Variants in RAB38 observed in about 807,000 individuals in gnomAD.
RAB38 encodes ras-related protein Rab-38.
RAB38 carries 15 observed loss-of-function variants against 18.4 expected under a neutral mutation model. The ratio of observed to expected loss-of-function variants is 0.82; its 90% CI spans 0.55 to 1.26. RAB38 has a LOEUF of 1.26. RAB38 is among the 50% of genes most tolerant of loss of function. The probability of loss-of-function intolerance (pLI) is 0.00; values close to 1 mark genes in which losing one functional copy is unlikely to be tolerated. For missense variants in RAB38, 294 were observed against 267.4 expected (o/e 1.10, Z -0.69); for synonymous variants, 101 against 104.4 (o/e 0.97, Z 0.20).
chr11:87,847,397 A>G, the RAB38 span, among the ~76,000 whole-genome samples: 1 of 152,158 alleles, frequency 6.6e-6, no homozygotes, highest in South Asian at 2.1e-4. Context: ...GATCCTTTAC[A>G]TGAAACAGAT....
At chr11:88,093,165 G>C in the RAB38 span, among the ~76,000 whole-genome samples, 1 of 151,884 alleles carries the variant, frequency 6.6e-6, no homozygotes, top group Non-Finnish European at 1.5e-5. Context: ...GTGAGTCCCC[G>C]TGTGTCCATA....
chr11:87,893,336 T>TTAC, the RAB38 span, among the ~76,000 whole-genome samples: 1 of 141,802 alleles, frequency 7.1e-6, no homozygotes, highest in Non-Finnish European at 1.5e-5. Context: ...ATATATATTT[T>TTAC]ACACACACAC....
the RAB38 span, among the ~76,000 whole-genome samples, chr11:87,898,108 C>A: frequency 6.6e-6 from 1 of 151,482 alleles, no homozygotes; most frequent in Admixed American, 6.6e-5. Flanking sequence ...AAACTAATAA[C>A]CTCCAAAAGT....
At chr11:87,849,911 A>C in the RAB38 span, among the ~76,000 whole-genome samples, 1 of 152,134 alleles carries the variant, frequency 6.6e-6, no homozygotes, top group African/African-American at 2.4e-5. Context: ...TGATGAGCTC[A>C]AACTAGTTGT....
the RAB38 span, among the ~76,000 whole-genome samples, chr11:87,956,096 AAAAC>A: frequency 0.37 from 56,549 of 151,732 alleles, 11,232 homozygotes; most frequent in South Asian, 0.52. Flanking sequence ...ATAATTTTTA[AAAAC>A]AAACATACAT....
chr11:88,005,515 T>G, the RAB38 span, among the ~76,000 whole-genome samples: 1 of 151,498 alleles, frequency 6.6e-6, no homozygotes, highest in Non-Finnish European at 1.5e-5. Flanking sequence ...ACATCATAAT[T>G]TGTGAATATA....
intron 1 of RAB38, among the ~76,000 whole-genome samples, chr11:88,174,825 G>A (rs1047390084): frequency 6.6e-6 from 1 of 152,200 alleles, no homozygotes; most frequent in African/African-American, 2.4e-5. Flanking sequence ...AAGGACGTGC[G>A]TGACACTGGG....
intron 1 of RAB38, chr11:88,165,596 T>C (rs1221387222): frequency 6.6e-6 from 1 of 152,210 alleles, no homozygotes; most frequent in Non-Finnish European, 1.5e-5. Context: ...TTGAAAGTTA[T>C]ATTTAAATAA....
chr11:87,866,786 C>A, the RAB38 span, among the ~76,000 whole-genome samples: 1 of 151,678 alleles, frequency 6.6e-6, no homozygotes, highest in Non-Finnish European at 1.5e-5. Context: ...AGAATGACTT[C>A]GACATGCCCA....
chr11:87,849,662 G>C, the RAB38 span, among the ~76,000 whole-genome samples: 1 of 152,048 alleles, frequency 6.6e-6, no homozygotes, highest in Non-Finnish European at 1.5e-5. Flanking sequence ...CTGCCAGCTG[G>C]ACATAGTGTT....
chr11:87,856,807 C>G, the RAB38 span, among the ~76,000 whole-genome samples: 1 of 152,004 alleles, frequency 6.6e-6, no homozygotes, highest in African/African-American at 2.4e-5. Flanking sequence ...GTCATGAAAC[C>G]TAGATCATCA....
the RAB38 span, among the ~76,000 whole-genome samples, chr11:88,073,596 A>G: frequency 6.6e-6 from 1 of 152,370 alleles, no homozygotes; most frequent in Admixed American, 6.5e-5. Flanking sequence ...ACTGGAATAA[A>G]TAATCCTTCA....
chr11:87,945,595 G>A, the RAB38 span, among the ~76,000 whole-genome samples: 3 of 151,962 alleles, frequency 2.0e-5, no homozygotes, highest in South Asian at 4.1e-4. Context: ...AAAAAGAGAG[G>A]TTCCTACTAA....
At chr11:87,915,285 G>A in the RAB38 span, among the ~76,000 whole-genome samples, 1 of 152,230 alleles carries the variant, frequency 6.6e-6, no homozygotes, top group South Asian at 2.1e-4. Flanking sequence ...TTCCTTGGAA[G>A]TTAAGGCATT....
At chr11:87,899,192 T>C in the RAB38 span, among the ~76,000 whole-genome samples, 2 of 151,764 alleles carry the variant, frequency 1.3e-5, no homozygotes, top group African/African-American at 2.4e-5. Flanking sequence ...AGAGGTTTAC[T>C]GCACCGGGTG....
chr11:88,144,468 A>G (rs1942955650), intron 2 of RAB38, among the ~76,000 whole-genome samples: 1 of 152,242 alleles, frequency 6.6e-6, no homozygotes, highest in African/African-American at 2.4e-5. Flanking sequence ...TGTATTTAAC[A>G]GTTGTTAGAA....
At chr11:87,884,489 C>CT in the RAB38 span, among the ~76,000 whole-genome samples, 1 of 151,908 alleles carries the variant, frequency 6.6e-6, no homozygotes, top group Admixed American at 6.6e-5. Context: ...AAGATGTGCC[C>CT]TGTCCTGAAG....
At chr11:88,057,777 A>T in the RAB38 span, among the ~76,000 whole-genome samples, 1 of 152,116 alleles carries the variant, frequency 6.6e-6, no homozygotes, top group South Asian at 2.1e-4. Flanking sequence ...GGAATTTGTT[A>T]TCTGTACCTG....
chr11:88,118,988 C>T (rs947301709), intron 2 of RAB38, among the ~76,000 whole-genome samples: 1 of 152,026 alleles, frequency 6.6e-6, no homozygotes, highest in Non-Finnish European at 1.5e-5. Context: ...TTATCTTAGC[C>T]AATCTGTCAT....
Sources: allele counts gnomAD v4.1 joint callset (sites outside exome capture counted in the v4.1 genomes callset), GRCh38; gene constraint gnomAD v4.1.1; transcripts MANE v1.5; gene names NCBI Gene and HGNC (gene_info 2026-07-23, HGNC 2026-07-21).